ENTHD1: variants seen among roughly 807,000 people sequenced by gnomAD.
ENTHD1 encodes ENTH domain-containing protein 1.
Under a neutral mutation model 39.1 loss-of-function variants are expected in ENTHD1, and 23 were observed. The observed-to-expected ratio is 0.59, with a 90% CI of 0.42 to 0.83. ENTHD1 has a LOEUF of 0.83. Ranked by LOEUF, ENTHD1 falls within the 40% of genes least tolerant of loss-of-function variation. The probability of loss-of-function intolerance (pLI) is 0.00; values close to 1 mark genes in which losing one functional copy is unlikely to be tolerated. For synonymous variants in ENTHD1, 230 were observed against 258.2 expected (o/e 0.89, Z 1.05); for missense variants, 624 against 705.4 (o/e 0.88, Z 1.31).
intron 6 of ENTHD1, among the ~76,000 whole-genome samples, chr22:39,752,170 T>G (rs2065153098): frequency 6.6e-6 from 1 of 152,126 alleles, no homozygotes; most frequent in South Asian, 2.1e-4. Flanking sequence ...ATATACTATA[T>G]TCTATTTTTC....
intron 2 of ENTHD1, among the ~76,000 whole-genome samples, chr22:39,871,938 A>G (rs2066247639): frequency 6.6e-6 from 1 of 152,222 alleles, no homozygotes; most frequent in Non-Finnish European, 1.5e-5. Context: ...AGGAAATTAC[A>G]TTTGCTCACT....
chr22:39,762,458 C>A (rs1278756341), intron 6 of ENTHD1, among the ~76,000 whole-genome samples: 1 of 150,306 alleles, frequency 6.7e-6, no homozygotes, highest in Non-Finnish European at 1.5e-5. Flanking sequence ...GTCACCCAGG[C>A]TCTCACTGTG....
Position 39,887,776 on chromosome 22 carries a change from G to A in ENTHD1, c.-28C>T. On this transcript the variant is annotated 5_prime_UTR_variant, in exon 2 of 7. Transcript: ENST00000325157. The stretch of plus-strand genomic sequence containing the variant: ...GTAATACAAGTTCCAAGGTGAGATG[G>A]AGGATGAAAGCAATGGAATAACAGT... The A allele has an allele frequency of 1.4e-6, 2 of 1,472,614 alleles. No individual in the cohort carries two copies. The highest frequency in any genetic ancestry group is 9.1e-7 in the Non-Finnish European group (1 of 1,092,898). The allele number at this position is 1,472,614 out of a possible 1,614,324, so 91.2% of individuals were successfully genotyped here.
chr22:39,753,273 C>T (rs2065160756), intron 6 of ENTHD1, among the ~76,000 whole-genome samples: 1 of 152,184 alleles, frequency 6.6e-6, no homozygotes, highest in Admixed American at 6.5e-5. Flanking sequence ...TTCTAGCTTC[C>T]AAGAATCTAC....
rs369569575 is a variant in ENTHD1, at chr22:39,835,798, G to A, written c.711+42C>T. The A allele has an allele frequency of 1.8e-4, 251 of 1,406,604 alleles. 3 individuals carry two copies. The Middle Eastern group carries it at 5.6e-3, about 31-fold the overall frequency. The allele number at this position is 1,406,604 out of a possible 1,614,324, so 87.1% of individuals were successfully genotyped here. On this transcript the variant is annotated intron_variant, in intron 4 of 6. Transcript: ENST00000325157. ...TTGTTTGTTTTAAGGCACAAAACTT[G>A]CAGTGATTTATTACAGCAGCTATAG...
intron 5 of ENTHD1, among the ~76,000 whole-genome samples, chr22:39,820,665 G>T (rs2065775909): frequency 6.6e-6 from 1 of 152,074 alleles, no homozygotes; most frequent in African/African-American, 2.4e-5. Context: ...ATTTTCACTT[G>T]ATGCCTGCTT....
intron 5 of ENTHD1, among the ~76,000 whole-genome samples, chr22:39,773,531 A>G (rs1033612421): frequency 1.3e-5 from 2 of 152,234 alleles, no homozygotes; most frequent in Non-Finnish European, 2.9e-5. Flanking sequence ...TCAAATACCC[A>G]TGGGTCAAAA....
chr22:39,870,570 G>C (rs999491034), intron 2 of ENTHD1, among the ~76,000 whole-genome samples: 8 of 152,102 alleles, frequency 5.3e-5, no homozygotes, highest in African/African-American at 1.9e-4. Context: ...ATCTATACCA[G>C]AAACACTTCA....
At chr22:39,888,973 C>G (rs192219424) in intron 1 of ENTHD1, among the ~76,000 whole-genome samples, 2 of 152,136 alleles carry the variant, frequency 1.3e-5, no homozygotes, top group Admixed American at 1.3e-4. Context: ...CTACAAGTCC[C>G]GAGAATCAGA....
chr22:39,868,790 A>G (rs1236497731), intron 2 of ENTHD1, among the ~76,000 whole-genome samples: 1 of 152,184 alleles, frequency 6.6e-6, no homozygotes, highest in Non-Finnish European at 1.5e-5. Flanking sequence ...AAAAACAAAT[A>G]ACCCAACTAA....
rs1006125388 is a variant in ENTHD1, at chr22:39,871,865, A to T, written c.350-9858T>A. On this transcript the variant is annotated intron_variant, in intron 2 of 6. Coordinates refer to ENST00000325157, the MANE Select transcript of ENTHD1 (RefSeq NM_152512.4). ...ACTTCTAACAACAAGGCTTATGATG[A>T]CCTAAAGCCTGTAACATATGTTTGT... is the stretch of plus-strand genomic sequence containing the variant. Among the ~76,000 whole-genome samples, 4 of 152,238 alleles carry T rather than the reference A, an allele frequency of 2.6e-5. No individual in the cohort carries two copies. The East Asian group carries it at 7.7e-4, about 29-fold the overall frequency.
At position 39,875,641 on chromosome 22, in the gene ENTHD1, A is replaced by G. The variant is rs575369913; in HGVS notation, c.349+11759T>C. Reference sequence around the variant, plus strand: ...CTAGGAAAGGTTTCTCCTATTTGGTAACTGGAGTAACTACTGTGGGTGTCG... The same window carrying G: ...CTAGGAAAGGTTTCTCCTATTTGGTGACTGGAGTAACTACTGTGGGTGTCG... On this transcript the variant is annotated intron_variant, in intron 2 of 6. Coordinates refer to ENST00000325157, the MANE Select transcript of ENTHD1 (RefSeq NM_152512.4). 1.9e-6 allele frequency: 3 copies of G among 1,612,236 alleles called. No individual in the cohort carries two copies. In the African/African-American group the frequency reaches 4.0e-5, roughly 22 times the overall value.
intron 3 of ENTHD1, among the ~76,000 whole-genome samples, chr22:39,850,614 T>G (rs1421364329): frequency 6.6e-6 from 1 of 152,206 alleles, no homozygotes; most frequent in Non-Finnish European, 1.5e-5. Flanking sequence ...CTTTTTGCCC[T>G]TTATAAAATT....
intron 4 of ENTHD1, among the ~76,000 whole-genome samples, chr22:39,829,543 G>T (rs2065851212): frequency 6.6e-6 from 1 of 152,104 alleles, no homozygotes; most frequent in African/African-American, 2.4e-5. Context: ...TCAGCACTTT[G>T]GTAGGCCAAG....
Position 39,867,475 on chromosome 22 carries a change from T to C in ENTHD1, c.350-5468A>G, listed in dbSNP as rs899370508. ...ACTCTAAGTTAGAAATATGAACATA[T>C]ACCTCCCAAATTCAGTTATCCACGT... On this transcript the variant is annotated intron_variant, in intron 2 of 6. Coordinates refer to ENST00000325157, the MANE Select transcript of ENTHD1 (RefSeq NM_152512.4). This position sits in a 1 kb window ranked among gnomAD's most constrained non-coding sequence, Gnocchi z 4.5. Among the ~76,000 whole-genome samples, 1 of 152,146 alleles carries C rather than the reference T, an allele frequency of 6.6e-6. No individual in the cohort carries two copies. The highest frequency in any genetic ancestry group is 2.4e-5 in the African/African-American group (1 of 41,440).
intron 3 of ENTHD1, among the ~76,000 whole-genome samples, chr22:39,845,374 C>T (rs905947166): frequency 3.3e-5 from 5 of 152,128 alleles, no homozygotes; most frequent in Non-Finnish European, 7.3e-5. Context: ...AGCCCTTAAC[C>T]GTTATACTCT....
At chr22:39,756,131 G>A (rs1441792203) in intron 6 of ENTHD1, among the ~76,000 whole-genome samples, 1 of 152,138 alleles carries the variant, frequency 6.6e-6, no homozygotes, top group Non-Finnish European at 1.5e-5. Flanking sequence ...CTCTTCTGTG[G>A]AACTAGGCAA....
chr22:39,862,306 T>C (rs567913577), intron 2 of ENTHD1, among the ~76,000 whole-genome samples: 3 of 151,986 alleles, frequency 2.0e-5, no homozygotes, highest in African/African-American at 7.2e-5. Context: ...TCTCAGCACT[T>C]TGGGAGGCTG....
At chr22:39,786,697 C>T (rs2065461778) in intron 5 of ENTHD1, among the ~76,000 whole-genome samples, 1 of 152,058 alleles carries the variant, frequency 6.6e-6, no homozygotes, top group Non-Finnish European at 1.5e-5. Context: ...CTCTCCAATC[C>T]CCTCACCACC....
Sources: gnomAD v4.1 joint callset for allele counts (sites outside exome capture counted in the v4.1 genomes callset) on GRCh38, gnomAD v4.1.1 for gene constraint, Gnocchi (gnomAD v3.1) non-coding constraint, MANE v1.5 for transcripts, NCBI Gene and HGNC (gene_info 2026-07-23, HGNC 2026-07-21) for gene names.